KDM4C: variants seen among roughly 807,000 people sequenced by gnomAD.
The protein encoded by KDM4C is lysine demethylase 4C, also known as lysine-specific demethylase 4C.
In KDM4C, 81 loss-of-function variants were observed where a neutral mutation model predicts 129.3. The ratio of observed to expected loss-of-function variants is 0.63; its 90% CI spans 0.52 to 0.75. KDM4C has a LOEUF of 0.75. Ranked by LOEUF, KDM4C falls within the 30% of genes least tolerant of loss-of-function variation. The probability of loss-of-function intolerance (pLI) is 0.00; values close to 1 mark genes in which losing one functional copy is unlikely to be tolerated. For missense variants in KDM4C, 1,457 were observed against 1,304.0 expected (o/e 1.12, Z -1.81); for synonymous variants, 573 against 456.1 (o/e 1.26, Z -3.26).
At chr9:7,097,758 C>A (rs988738253) in intron 17 of KDM4C, among the ~76,000 whole-genome samples, 1 of 152,148 alleles carries the variant, frequency 6.6e-6, no homozygotes, top group Non-Finnish European at 1.5e-5. Flanking sequence ...TTTGTTATAG[C>A]TGTTTTTTAT....
intron 17 of KDM4C, among the ~76,000 whole-genome samples, chr9:7,102,483 C>T (rs1303440202): frequency 2.0e-5 from 3 of 152,110 alleles, no homozygotes; most frequent in Admixed American, 1.3e-4. Context: ...TGGAGATACA[C>T]ATTGGGAATC....
chr9:6,947,333 T>C (rs1292440586), intron 8 of KDM4C, among the ~76,000 whole-genome samples: 1 of 152,206 alleles, frequency 6.6e-6, no homozygotes, highest in Non-Finnish European at 1.5e-5. Flanking sequence ...TTTCTCATCT[T>C]TAGTAGTCAT....
intron 6 of KDM4C, among the ~76,000 whole-genome samples, chr9:6,886,522 T>TA (rs1230975365): frequency 6.7e-6 from 1 of 149,692 alleles, no homozygotes; most frequent in Non-Finnish European, 1.5e-5. Flanking sequence ...TGAGGAGTCT[T>TA]ACTCTGTCAT....
chr9:6,919,218 T>TTTCTTTCTTTC (rs1563811978), intron 8 of KDM4C, among the ~76,000 whole-genome samples: 2 of 75,906 alleles, frequency 2.6e-5, no homozygotes, highest in South Asian at 4.1e-4. Flanking sequence ...TGAATTTTCT[T>TTTCTTTCTTTC]TTTCCTTCTT....
intron 19 of KDM4C, among the ~76,000 whole-genome samples, chr9:7,140,133 G>C (rs1466116747): frequency 6.6e-6 from 1 of 152,142 alleles, no homozygotes; most frequent in Non-Finnish European, 1.5e-5. Context: ...TGTATTAGGA[G>C]ACAGCCTTTC....
rs115665185 is a variant in KDM4C, at chr9:7,003,040, A to G, written c.1787-8658A>G. Among the ~76,000 whole-genome samples, 518 of 152,182 alleles carry G rather than the reference A, an allele frequency of 3.4e-3. 3 individuals are homozygous for G. Among genetic ancestry groups the G allele is most frequent in the African/African-American group, 0.012 (483 of 41,510 alleles). ...CATTCTCGGCTAATGTTTGTATTGT[A>G]TTTTTGGTAGAGACTGGATTTCACC... is the stretch of plus-strand genomic sequence containing the variant. On this transcript the variant is annotated intron_variant, in intron 12 of 21. Transcript: ENST00000381309.
intron 1 of KDM4C, among the ~76,000 whole-genome samples, chr9:6,791,265 C>G (rs1297180126): frequency 6.6e-6 from 1 of 152,154 alleles, no homozygotes; most frequent in Non-Finnish European, 1.5e-5. Context: ...GCGTGTGCCA[C>G]CACGCCCGGC....
intron 1 of KDM4C, among the ~76,000 whole-genome samples, chr9:6,730,586 G>A (rs1294606177): frequency 1.3e-5 from 2 of 151,020 alleles, no homozygotes; most frequent in African/African-American, 4.9e-5. Context: ...CTGCACTCCA[G>A]CCTGGGCGAC....
intron 15 of KDM4C, among the ~76,000 whole-genome samples, chr9:7,036,109 A>G (rs771261054): frequency 9.9e-5 from 15 of 152,226 alleles, no homozygotes; most frequent in Admixed American, 2.0e-4. Context: ...AATTCTTCCA[A>G]TCTATGAGCT....
chr9:6,859,737 G>T (rs907993866), intron 5 of KDM4C, among the ~76,000 whole-genome samples: 1 of 150,934 alleles, frequency 6.6e-6, no homozygotes, highest in Non-Finnish European at 1.5e-5. Context: ...GTGGTTGCAG[G>T]CGCCTGTAGT....
At chr9:6,839,396 G>GTT (rs36061484) in intron 4 of KDM4C, among the ~76,000 whole-genome samples, 2,444 of 109,882 alleles carry the variant, frequency 0.022, 42 homozygotes, top group African/African-American at 0.03. Context: ...CACCTGGCCA[G>GTT]TTTTTTTTTT....
At chr9:6,726,948 T>C (rs578142395) in intron 1 of KDM4C, 1 of 152,104 alleles carries the variant, frequency 6.6e-6, no homozygotes, top group African/African-American at 2.4e-5. Flanking sequence ...TTGGCCAGGC[T>C]GGTCTCAAAC....
chr9:7,148,153 A>G (rs1260473031), intron 19 of KDM4C, among the ~76,000 whole-genome samples: 1 of 152,194 alleles, frequency 6.6e-6, no homozygotes, highest in Non-Finnish European at 1.5e-5. Context: ...TGCTGTGGAT[A>G]TCAGCATCCG....
chr9:6,859,104 G>T (rs1049831770), intron 5 of KDM4C, among the ~76,000 whole-genome samples: 1 of 152,172 alleles, frequency 6.6e-6, no homozygotes, highest in Admixed American at 6.5e-5. Flanking sequence ...AGGTTGTAAA[G>T]TGTGTTGTCT....
intron 5 of KDM4C, among the ~76,000 whole-genome samples, chr9:6,854,696 A>G (rs1839489796): frequency 6.6e-6 from 1 of 152,182 alleles, no homozygotes; most frequent in Admixed American, 6.5e-5. Flanking sequence ...AGCATTTTGG[A>G]CATTGTTAAA....
intron 8 of KDM4C, among the ~76,000 whole-genome samples, 173 bp from the exon 9 acceptor site, chr9:6,980,752 A>AG (rs1816632022): frequency 6.6e-6 from 1 of 152,206 alleles, no homozygotes; most frequent in South Asian, 2.1e-4. Context: ...ATAGATTCTC[A>AG]TCTCTATTCA....
At chr9:6,802,825 TTAAA>T (rs1268779427) in intron 2 of KDM4C, among the ~76,000 whole-genome samples, 1 of 152,238 alleles carries the variant, frequency 6.6e-6, no homozygotes, top group Non-Finnish European at 1.5e-5. Flanking sequence ...CAAGCTGATC[TTAAA>T]CTTCTGACCT....
intron 6 of KDM4C, among the ~76,000 whole-genome samples, chr9:6,880,851 A>G (rs1405966501): frequency 6.6e-6 from 1 of 152,190 alleles, no homozygotes; most frequent in Non-Finnish European, 1.5e-5. Context: ...TATGGGAAGC[A>G]GAGTCACATT....
Position 7,142,591 on chromosome 9 carries a change from C to G in KDM4C, c.2781+14355C>G, listed in dbSNP as rs527740780. Among the ~76,000 whole-genome samples, 23 of 152,166 alleles carry G rather than the reference C, an allele frequency of 1.5e-4. No homozygotes were observed. In the East Asian group the frequency reaches 4.1e-3, roughly 27 times the overall value. On this transcript the variant is annotated intron_variant, in intron 19 of 21. Transcript: ENST00000381309. ...ATCTCTCATTTTGAGATTCATTTAC[C>G]TTTTTTAAAGGGAAAGAATAGATGA...
Sources: allele counts gnomAD v4.1 joint callset (sites outside exome capture counted in the v4.1 genomes callset), GRCh38; gene constraint gnomAD v4.1.1; transcripts MANE v1.5; gene names NCBI Gene and HGNC (gene_info 2026-07-23, HGNC 2026-07-21).